Variants in AFG1L observed in about 807,000 individuals in gnomAD.
The protein encoded by AFG1L is AFG1 like ATPase.
In AFG1L, 53 loss-of-function variants were observed where a neutral mutation model predicts 62.2. That is an observed-to-expected ratio of 0.85 (90% CI 0.68 to 1.07). The LOEUF (loss-of-function observed/expected upper bound fraction) is 1.07, where lower values mean the gene tolerates loss of function less well. Among genes scored for constraint, AFG1L ranks in the 50% least tolerant of loss-of-function variants. The pLI, the probability that AFG1L is intolerant of heterozygous loss-of-function variation, is 0.00. For synonymous variants in AFG1L, 228 were observed against 210.3 expected, an observed-to-expected ratio of 1.08 and a Z score of -0.73; for missense variants, 555 against 590.5, an observed-to-expected ratio of 0.94 and a Z score of 0.62.
chr6:108,313,085 A>G (rs1777473006), intron 1 of AFG1L, among the ~76,000 whole-genome samples: 1 of 152,194 alleles, frequency 6.6e-6, no homozygotes, highest in African/African-American at 2.4e-5. Flanking sequence ...CCCATTAGGC[A>G]TCACTGGCCA....
intron 11 of AFG1L, among the ~76,000 whole-genome samples, chr6:108,516,844 C>A (rs1425551925): frequency 1.3e-5 from 2 of 152,098 alleles, no homozygotes; most frequent in Non-Finnish European, 2.9e-5. Context: ...GACAAGCATT[C>A]TTATACACCA....
intron 6 of AFG1L, among the ~76,000 whole-genome samples, chr6:108,370,562 A>T (rs1261419128): frequency 6.6e-6 from 1 of 152,134 alleles, no homozygotes. Context: ...GCAACAAGGA[A>T]TTATGTAGCC....
intron 3 of AFG1L, among the ~76,000 whole-genome samples, chr6:108,351,345 G>C (rs1345735469): frequency 6.6e-6 from 1 of 152,126 alleles, no homozygotes; most frequent in African/African-American, 2.4e-5. Flanking sequence ...TGTGTATGTG[G>C]TCCATTGTTG....
intron 6 of AFG1L, among the ~76,000 whole-genome samples, chr6:108,392,952 A>T (rs1319753080): frequency 8.5e-5 from 13 of 152,096 alleles, no homozygotes; most frequent in Non-Finnish European, 1.9e-4. Context: ...CAAAATATTT[A>T]TTTAGGTACT....
At chr6:108,335,202 C>T (rs1056100711) in intron 2 of AFG1L, among the ~76,000 whole-genome samples, 1 of 152,042 alleles carries the variant, frequency 6.6e-6, no homozygotes, top group African/African-American at 2.4e-5. Context: ...AATTCCTGAC[C>T]TGAAGTGATC....
rs753678308 is a variant in AFG1L at position 108,344,771 on chromosome 6, A to G, written c.364-2217A>G. Reference sequence around the variant, plus strand: ...CACCCTGTCATACCTTGTTTTTTGCACAGGTGTTAGGAACTGCTGCAGAGT... The same window carrying G: ...CACCCTGTCATACCTTGTTTTTTGCGCAGGTGTTAGGAACTGCTGCAGAGT... On this transcript the variant is annotated intron_variant, in intron 2 of 12. Coordinates refer to ENST00000368977, the MANE Select transcript of AFG1L (RefSeq NM_145315.5). The G allele has an allele frequency of 4.5e-5, 21 of 470,978 alleles. 1 individual carries two copies. The East Asian group carries it at 8.3e-4, about 19-fold the overall frequency. The allele number at this position is 470,978 out of a possible 1,614,324, so 29.2% of individuals were successfully genotyped here. A position where few individuals can be genotyped will look rare whatever the true frequency, so the allele number is the denominator to read the frequency against.
chr6:108,412,293 T>TGTATCTGAA (rs1376247444), intron 7 of AFG1L, among the ~76,000 whole-genome samples: 1 of 152,168 alleles, frequency 6.6e-6, no homozygotes, highest in Non-Finnish European at 1.5e-5. Context: ...ATCTGATTGG[T>TGTATCTGAA]GTATCTGAAA....
chr6:108,356,590 A>G (rs778568472), intron 4 of AFG1L, 100 bp from the exon 5 acceptor site: 3 of 724,382 alleles, frequency 4.1e-6, no homozygotes, highest in Non-Finnish European at 6.2e-6. Context: ...ACTTAATTTT[A>G]TGTCCATACT....
chr6:108,431,810 C>T (rs1771090120), intron 7 of AFG1L, among the ~76,000 whole-genome samples: 1 of 151,836 alleles, frequency 6.6e-6, no homozygotes, highest in South Asian at 2.1e-4. Flanking sequence ...TCTCGAACTC[C>T]TGACCTCAAG....
chr6:108,408,065 G>A (rs889663060), intron 7 of AFG1L, among the ~76,000 whole-genome samples: 8 of 150,842 alleles, frequency 5.3e-5, no homozygotes, highest in African/African-American at 1.7e-4. Flanking sequence ...CTTTAAGGGT[G>A]TCAAATTTTA....
Position 108,416,323 on chromosome 6 carries a change from G to A in AFG1L, c.807+14269G>A, listed in dbSNP as rs1403479191. The stretch of plus-strand genomic sequence containing the variant: ...AAATAGGAATGCTTTTACACTGTTG[G>A]TGGGACTGTAAACTAGTTCAACCAT... On this transcript the variant is annotated intron_variant, in intron 7 of 12. Transcript: ENST00000368977. 2.6e-5 allele frequency among the ~76,000 whole-genome samples: 4 copies of A among 152,336 alleles called. No individual in the cohort carries two copies. The South Asian group carries it at 6.2e-4, about 24-fold the overall frequency.
intron 8 of AFG1L, among the ~76,000 whole-genome samples, chr6:108,460,505 AC>A (rs1224159180): frequency 6.6e-6 from 1 of 152,180 alleles, no homozygotes; most frequent in Non-Finnish European, 1.5e-5. Flanking sequence ...AATTAAATTT[AC>A]ATTTGCTTTT....
intron 8 of AFG1L, among the ~76,000 whole-genome samples, chr6:108,471,574 C>T (rs1772899810): frequency 6.6e-6 from 1 of 150,816 alleles, no homozygotes; most frequent in Non-Finnish European, 1.5e-5. Flanking sequence ...GATTCTCCTG[C>T]CTCAGCCTTC....
At chr6:108,387,903 TTTTTA>T (rs1205852780) in intron 6 of AFG1L, 1 of 152,054 alleles carries the variant, frequency 6.6e-6, no homozygotes, top group Non-Finnish European at 1.5e-5. Context: ...AGCTAGAATT[TTTTTA>T]TTTATTTATT....
chr6:108,360,378 C>T (rs1779475871), intron 5 of AFG1L, among the ~76,000 whole-genome samples: 1 of 152,154 alleles, frequency 6.6e-6, no homozygotes, highest in Admixed American at 6.5e-5. Context: ...ACAGAGATGA[C>T]AAAACAAGAC....
intron 3 of AFG1L, among the ~76,000 whole-genome samples, chr6:108,349,734 G>C (rs529292480): frequency 2.0e-5 from 3 of 151,846 alleles, no homozygotes; most frequent in Non-Finnish European, 4.4e-5. Flanking sequence ...TGGACAACTA[G>C]GTGAGACCCC....
intron 1 of AFG1L, among the ~76,000 whole-genome samples, chr6:108,296,440 A>G (rs138670128): frequency 2.0e-5 from 3 of 152,280 alleles, no homozygotes; most frequent in Admixed American, 6.5e-5. Flanking sequence ...GCTTTTTTCT[A>G]TCCCTATCCC....
intron 1 of AFG1L, chr6:108,318,117 CAT>C (rs140220235): frequency 0.026 from 4,322 of 165,534 alleles, 81 homozygotes; most frequent in Middle Eastern, 0.042. Context: ...CTTTCTGTAA[CAT>C]GTGTGGCATG....
intron 1 of AFG1L, among the ~76,000 whole-genome samples, chr6:108,297,412 C>T (rs1048713688): frequency 1.3e-5 from 2 of 152,142 alleles, no homozygotes; most frequent in African/African-American, 4.8e-5. Flanking sequence ...CTGCCCCCAT[C>T]TTTAAATAAA....
Sources: allele counts gnomAD v4.1 joint callset (sites outside exome capture counted in the v4.1 genomes callset), GRCh38; gene constraint gnomAD v4.1.1; transcripts MANE v1.5; gene names NCBI Gene and HGNC (gene_info 2026-07-23, HGNC 2026-07-21).